The following SPOP variants were observed in gnomAD, a reference collection of about 807,000 sequenced individuals.
The protein encoded by SPOP is speckle-type POZ protein.
In SPOP, 11 loss-of-function variants were observed where a neutral mutation model predicts 45.6. The ratio of observed to expected loss-of-function variants is 0.24; its 90% CI spans 0.15 to 0.40. The LOEUF (loss-of-function observed/expected upper bound fraction) is 0.40, where lower values mean the gene tolerates loss of function less well. Among genes scored for constraint, SPOP ranks in the 10% least tolerant of loss-of-function variants. SPOP has a pLI of 1.00. For missense variants in SPOP, 152 were observed against 465.6 expected, an observed-to-expected ratio of 0.33 and a Z score of 6.20; for synonymous variants, 166 against 166.3, an observed-to-expected ratio of 1.00 and a Z score of 0.01.
At chr17:49,658,660 T>G (rs545059197) in intron 1 of SPOP, among the ~76,000 whole-genome samples, 19 of 152,290 alleles carry the variant, frequency 1.2e-4, no homozygotes, top group Admixed American at 2.6e-4. Context: ...GCAGGACAGA[T>G]AGCAATGAGT....
At chr17:49,604,605 G>A (rs1213443796) in intron 8 of SPOP, among the ~76,000 whole-genome samples, 1 of 152,166 alleles carries the variant, frequency 6.6e-6, no homozygotes, top group Non-Finnish European at 1.5e-5. Context: ...AAAAGGAGGT[G>A]CTTTTGGCAG....
At chr17:49,611,701 C>T (rs1018273695) in intron 5 of SPOP, among the ~76,000 whole-genome samples, 1 of 152,098 alleles carries the variant, frequency 6.6e-6, no homozygotes, top group Non-Finnish European at 1.5e-5. Flanking sequence ...TCTCTTTTTC[C>T]CCCAGTTTCT....
At chr17:49,649,079 A>G (rs1367886553) in intron 1 of SPOP, among the ~76,000 whole-genome samples, 1 of 152,088 alleles carries the variant, frequency 6.6e-6, no homozygotes, top group East Asian at 1.9e-4. Flanking sequence ...TTTTAAACAA[A>G]GCCATACTTA....
intron 1 of SPOP, among the ~76,000 whole-genome samples, chr17:49,660,847 T>C (rs2072978125): frequency 6.6e-6 from 1 of 152,128 alleles, no homozygotes; most frequent in Admixed American, 6.6e-5. Context: ...GTGCCTGTAG[T>C]CCCAGCTACT....
chr17:49,643,847 T>C (rs1473627641), intron 1 of SPOP, among the ~76,000 whole-genome samples: 1 of 151,480 alleles, frequency 6.6e-6, no homozygotes, highest in African/African-American at 2.4e-5. Context: ...GGAGAATCGC[T>C]TGAACCCAGG....
At chr17:49,677,686 A>G (rs1348859320) in intron 1 of SPOP, among the ~76,000 whole-genome samples, 2 of 141,994 alleles carry the variant, frequency 1.4e-5, no homozygotes, top group African/African-American at 5.3e-5. Flanking sequence ...CTGGGAAATG[A>G]TGGGGGGGCT....
chr17:49,613,274 T>TAAA (rs78472735), intron 5 of SPOP, among the ~76,000 whole-genome samples: 2 of 122,498 alleles, frequency 1.6e-5, no homozygotes, highest in African/African-American at 2.9e-5. Context: ...AATACTAATT[T>TAAA]AAAAAAAAAA....
chr17:49,668,014 T>C (rs926742674), intron 1 of SPOP: 1 of 152,146 alleles, frequency 6.6e-6, no homozygotes, highest in Non-Finnish European at 1.5e-5. Flanking sequence ...ATAATTCCAC[T>C]TACACCACTC....
intron 5 of SPOP, among the ~76,000 whole-genome samples, chr17:49,616,136 A>G (rs1377107939): frequency 6.6e-6 from 1 of 152,224 alleles, no homozygotes; most frequent in Non-Finnish European, 1.5e-5. Context: ...TGTAGGGCAC[A>G]TTATAAACAA....
At chr17:49,667,255 C>T (rs1463115401) in intron 1 of SPOP, among the ~76,000 whole-genome samples, 2 of 109,602 alleles carry the variant, frequency 1.8e-5, no homozygotes, top group Admixed American at 1.9e-4. Context: ...TTTTTTTTAA[C>T]AAAATAAGTA....
At chr17:49,620,520 T>C (rs1192547827) in intron 3 of SPOP, 1 of 148,250 alleles carries the variant, frequency 6.7e-6, no homozygotes, top group Non-Finnish European at 1.5e-5. Context: ...ATAATATACA[T>C]AATCTTTTAT....
chr17:49,677,484 T>C (rs1378768204), intron 1 of SPOP, among the ~76,000 whole-genome samples: 3 of 152,230 alleles, frequency 2.0e-5, no homozygotes, highest in South Asian at 2.1e-4. Context: ...TGGCAGCAAG[T>C]CTAGCCCACA....
chr17:49,641,441 T>C (rs1405535766), intron 1 of SPOP, among the ~76,000 whole-genome samples: 1 of 152,016 alleles, frequency 6.6e-6, no homozygotes, highest in African/African-American at 2.4e-5. Flanking sequence ...CTTGTCTGTT[T>C]TGCTGCTGCA....
intron 1 of SPOP, chr17:49,668,097 A>G (rs535071044): frequency 6.6e-6 from 1 of 152,370 alleles, no homozygotes; most frequent in South Asian, 2.1e-4. Context: ...GGGAGGAAAC[A>G]AGAAGGTGTT....
chr17:49,649,358 G>A (rs2072808192), intron 1 of SPOP, among the ~76,000 whole-genome samples: 1 of 151,636 alleles, frequency 6.6e-6, no homozygotes, highest in South Asian at 2.1e-4. Flanking sequence ...CCGCCATGGT[G>A]AAACCCCGTC....
intron 6 of SPOP, among the ~76,000 whole-genome samples, chr17:49,609,910 A>T (rs1172158001): frequency 6.6e-6 from 1 of 151,830 alleles, no homozygotes; most frequent in Admixed American, 6.6e-5. Context: ...GCAAGATGGG[A>T]TATAAAACAG....
At chr17:49,609,393 AAAG>A (rs1280795594) in intron 6 of SPOP, among the ~76,000 whole-genome samples, 1 of 152,218 alleles carries the variant, frequency 6.6e-6, no homozygotes, top group African/African-American at 2.4e-5. Flanking sequence ...TGCTTTTCAT[AAAG>A]AAGGAAGGGT....
At chr17:49,658,636 T>C (rs1292116110) in intron 1 of SPOP, among the ~76,000 whole-genome samples, 2 of 152,224 alleles carry the variant, frequency 1.3e-5, no homozygotes, top group Non-Finnish European at 2.9e-5. Flanking sequence ...CAGAAGATGT[T>C]TCCATCGGCG....
chr17:49,635,345 T>C (rs974210252), intron 1 of SPOP, among the ~76,000 whole-genome samples: 3 of 152,194 alleles, frequency 2.0e-5, no homozygotes, highest in Non-Finnish European at 4.4e-5. Context: ...TAACAGAATT[T>C]CCTGGCTCCT....
Sources: gnomAD v4.1 joint callset for allele counts (sites outside exome capture counted in the v4.1 genomes callset) on GRCh38, gnomAD v4.1.1 for gene constraint, MANE v1.5 for transcripts, NCBI Gene and HGNC (gene_info 2026-07-23, HGNC 2026-07-21) for gene names.